DOCK7: variants seen among roughly 807,000 people sequenced by gnomAD.
DOCK7 encodes dedicator of cytokinesis protein 7.
In DOCK7, 138 loss-of-function variants were observed where a neutral mutation model predicts 271.0. The ratio of observed to expected loss-of-function variants is 0.51; its 90% CI spans 0.44 to 0.59. The LOEUF is 0.59. DOCK7 is among the 20% of genes least tolerant of loss of function. The probability of loss-of-function intolerance (pLI) is 0.00; values close to 1 mark genes in which losing one functional copy is unlikely to be tolerated. For missense variants in DOCK7, 2,066 were observed against 2,592.4 expected, an observed-to-expected ratio of 0.80 and a Z score of 4.41; for synonymous variants, 823 against 876.1, an observed-to-expected ratio of 0.94 and a Z score of 1.07.
At chr1:62,661,880 C>G (rs1388110308) in intron 2 of DOCK7, among the ~76,000 whole-genome samples, 1 of 152,098 alleles carries the variant, frequency 6.6e-6, no homozygotes, top group Non-Finnish European at 1.5e-5. Context: ...AATAATATCA[C>G]TGGAAGAGAG....
chr1:62,688,281 G>C lies in DOCK7; in HGVS notation c.-17C>G. 7.8e-7 allele frequency: 1 copy of C among 1,273,976 alleles called. No homozygotes were observed. The highest frequency in any genetic ancestry group is 2.6e-5 in the South Asian group (1 of 39,214). 78.9% of individuals were successfully genotyped at this position (1,273,976 alleles called of 1,614,324 possible). ...CTCGGCCATGGCTGCTGCGGCGACG[G>C]CGACGGCGGCGGCGGCTGCGGCGGG... On this transcript the variant is annotated 5_prime_UTR_variant, in exon 1 of 50. Coordinates refer to ENST00000635253, the MANE Select transcript of DOCK7 (RefSeq NM_001367561.1).
At chr1:62,472,062 A>G (rs1278376203) in intron 48 of DOCK7, among the ~76,000 whole-genome samples, 1 of 152,052 alleles carries the variant, frequency 6.6e-6, no homozygotes, top group Non-Finnish European at 1.5e-5. Context: ...TAAGGTTTAT[A>G]TTATGTAGTT....
At chr1:62,505,097 T>C (rs1341713549) in intron 36 of DOCK7, among the ~76,000 whole-genome samples, 1 of 152,228 alleles carries the variant, frequency 6.6e-6, no homozygotes, top group African/African-American at 2.4e-5. Context: ...AATCAACATA[T>C]ATGAATTCTA....
chr1:62,473,862 G>T (rs2149256258), intron 48 of DOCK7, 120 bp downstream of exon 48: 3 of 667,648 alleles, frequency 4.5e-6, no homozygotes, highest in Non-Finnish European at 7.4e-6. Flanking sequence ...TGAGATTGCA[G>T]GTGTAAGCCA....
intron 31 of DOCK7, among the ~76,000 whole-genome samples, chr1:62,523,651 G>A (rs1369120466): frequency 1.3e-5 from 2 of 152,122 alleles, no homozygotes; most frequent in African/African-American, 4.8e-5. Context: ...GGCAGATCAC[G>A]AGGTCAGGAG....
In DOCK7 at chr1:62,505,700, C is replaced by T. The variant is rs1646917109; in HGVS notation, c.4593G>A (p.Gln1531=). ...AVYLQHCFAT[Q]RALVSKFPEL... ...AACCTACCTTTGAAACCAAGGCTCT[C>T]TGTGTAGCAAAACAGTGTTGTAGAT... Residue 1531 remains glutamine, a synonymous_variant, in exon 36 of 50, where the codon CAG becomes CAA. Transcript: ENST00000635253. 1.9e-6 allele frequency: 3 copies of T among 1,610,730 alleles called. No individual in the cohort carries two copies. The South Asian group carries it at 3.3e-5, about 18-fold the overall frequency.
intron 4 of DOCK7, among the ~76,000 whole-genome samples, chr1:62,651,414 A>T (rs1385647576): frequency 6.7e-6 from 1 of 150,102 alleles, no homozygotes; most frequent in African/African-American, 2.5e-5. Flanking sequence ...CAAACCTGCA[A>T]GTTGTGCACA....
In DOCK7 at chr1:62,489,427, C is replaced by T. The variant is rs557388744; in HGVS notation, c.5362-362G>A. On this transcript the variant is annotated intron_variant, in intron 41 of 49. Transcript: ENST00000635253. ...CCGCGCCACTGCACTCCAGCCTGGGCGACAGAGCGAGACTCCATCTTGGGG... is the reference window on the plus strand; with the variant it reads ...CCGCGCCACTGCACTCCAGCCTGGGTGACAGAGCGAGACTCCATCTTGGGG... Among the ~76,000 whole-genome samples, 13 of 152,030 alleles carry T rather than the reference C, an allele frequency of 8.6e-5. 1 individual carries two copies. The highest frequency in any genetic ancestry group is 1.2e-4 in the African/African-American group (5 of 41,444).
At chr1:62,544,586 T>C (rs562563393) in intron 23 of DOCK7, among the ~76,000 whole-genome samples, 3 of 152,130 alleles carry the variant, frequency 2.0e-5, no homozygotes, top group South Asian at 2.1e-4. Flanking sequence ...CAAAAGCAAA[T>C]AGAAAACTGT....
At chr1:62,576,587 C>G (rs1646947532) in intron 18 of DOCK7, among the ~76,000 whole-genome samples, 3 of 152,092 alleles carry the variant, frequency 2.0e-5, no homozygotes, top group Admixed American at 2.0e-4. Context: ...ACAAATAGCA[C>G]CAGGAAAATA....
chr1:62,479,673 T>C, intron 43 of DOCK7: 1 of 332,772 alleles, frequency 3.0e-6, no homozygotes, highest in South Asian at 2.5e-5. Flanking sequence ...CTTTTTGTTT[T>C]TTATTTATTT....
At chr1:62,551,337 A>G (rs1177405053) in intron 22 of DOCK7, among the ~76,000 whole-genome samples, 3 of 137,112 alleles carry the variant, frequency 2.2e-5, no homozygotes, top group Non-Finnish European at 4.7e-5. Context: ...CATTAATGAC[A>G]GCTGATGAAC....
chr1:62,530,173 ACT>A (rs1645131943), intron 29 of DOCK7, among the ~76,000 whole-genome samples: 2 of 151,874 alleles, frequency 1.3e-5, no homozygotes, highest in Non-Finnish European at 1.5e-5. Flanking sequence ...TTCAGATCTC[ACT>A]CTCTCTCCTT....
chr1:62,533,618 T>C lies in DOCK7; in HGVS notation c.3611+1875A>G, dbSNP rs568268894. ...CCCATTAAGCACCTCTTCAGGACCC[T>C]ACAGTTCTGTTTAGAACACAGGGTG... On this transcript the variant is annotated intron_variant, in intron 29 of 49. Transcript: ENST00000635253. 2.1e-3 allele frequency among the ~76,000 whole-genome samples: 317 copies of C among 152,306 alleles called. 2 individuals are homozygous for C. Among genetic ancestry groups the C allele is most frequent in the African/African-American group, 7.3e-3 (302 of 41,576 alleles).
intron 40 of DOCK7, among the ~76,000 whole-genome samples, chr1:62,493,790 T>C (rs1646535536): frequency 6.6e-6 from 1 of 152,186 alleles, no homozygotes. Context: ...TAACTGACTC[T>C]TGGTAAGCAG....
intron 22 of DOCK7, among the ~76,000 whole-genome samples, chr1:62,545,467 C>T (rs542281323): frequency 4.6e-4 from 70 of 152,212 alleles, no homozygotes; most frequent in African/African-American, 1.6e-3. Context: ...CATTCCATCT[C>T]TCATCAACTG....
chr1:62,515,464 C>T (rs998174337), intron 31 of DOCK7, among the ~76,000 whole-genome samples: 35 of 152,312 alleles, frequency 2.3e-4, no homozygotes, highest in East Asian at 1.9e-3. Context: ...AAATACACAG[C>T]ACTGACTGAA....
At position 62,528,163 on chromosome 1, in the gene DOCK7, G is replaced by T; in HGVS notation, c.3924C>A (p.Leu1308=). 1 of 1,610,310 alleles carries T rather than the reference G, an allele frequency of 6.2e-7. No homozygotes were observed. Among genetic ancestry groups the T allele is most frequent in the Non-Finnish European group, 8.5e-7 (1 of 1,178,518 alleles). ...GGATTGTTTTTACCGTTGACGTGAGGAGGAAACTGCCAGGCCTTGTTAGTT... is the reference window on the plus strand; with the variant it reads ...GGATTGTTTTTACCGTTGACGTGAGTAGGAAACTGCCAGGCCTTGTTAGTT... ...VPQLTRPGSF[L]LTSTSGRQHT... is the part of the protein sequence containing the mutation. The change falls in exon 31 of 50, where the codon CTC becomes CTA. Residue 1308 remains leucine, a synonymous_variant. Transcript: ENST00000635253.
chr1:62,527,604 CATT>C (rs1645048387), intron 31 of DOCK7, among the ~76,000 whole-genome samples: 1 of 151,932 alleles, frequency 6.6e-6, no homozygotes. Flanking sequence ...TGGAAACCAT[CATT>C]CTCAGCAAAC....
Sources: allele counts gnomAD v4.1 joint callset (sites outside exome capture counted in the v4.1 genomes callset), GRCh38; gene constraint gnomAD v4.1.1; transcripts MANE v1.5; gene names NCBI Gene and HGNC (gene_info 2026-07-23, HGNC 2026-07-21).